The following CD300C variants were observed in gnomAD, a reference collection of about 807,000 sequenced individuals.
CD300C encodes CMRF35-like molecule 6.
In CD300C, 11 loss-of-function variants were observed where a neutral mutation model predicts 18.4. The ratio of observed to expected loss-of-function variants is 0.60; its 90% CI spans 0.38 to 0.99. The LOEUF (loss-of-function observed/expected upper bound fraction) is 0.99. Among genes scored for constraint, CD300C ranks in the 50% least tolerant of loss-of-function variants. The probability of loss-of-function intolerance (pLI) is 0.01; values close to 1 mark genes in which losing one functional copy is unlikely to be tolerated. For missense variants in CD300C, 277 were observed against 287.4 expected (o/e 0.96, Z 0.26); for synonymous variants, 116 against 116.3 (o/e 1.00, Z 0.02).
chr17:74,540,550 C>T (rs1385673583), downstream of CD300C, among the ~76,000 whole-genome samples: 2 of 152,100 alleles, frequency 1.3e-5, no homozygotes, highest in Non-Finnish European at 2.9e-5. Flanking sequence ...GGGTTAAGAA[C>T]CCCCCAGGCG....
chr17:74,543,588 C>T (rs186866459), intron 2 of CD300C, among the ~76,000 whole-genome samples: 15 of 152,300 alleles, frequency 9.8e-5, no homozygotes, highest in African/African-American at 3.1e-4. Flanking sequence ...AGGGCCCTTT[C>T]CTCCTCTCCC....
downstream of CD300C, among the ~76,000 whole-genome samples, chr17:74,538,639 T>C (rs1351989187): frequency 6.6e-6 from 1 of 152,222 alleles, no homozygotes; most frequent in Non-Finnish European, 1.5e-5. Context: ...CCCAGGGACC[T>C]GGTAGGACCT....
At chr17:74,535,623 C>G in the CD300C span, among the ~76,000 whole-genome samples, 2 of 151,812 alleles carry the variant, frequency 1.3e-5, no homozygotes, top group South Asian at 4.2e-4. Flanking sequence ...AATTACATAC[C>G]ATGTTCATAG....
At chr17:74,537,146 A>C (rs1442296945), downstream of CD300C, among the ~76,000 whole-genome samples, 1 of 152,020 alleles carries the variant, frequency 6.6e-6, no homozygotes, top group African/African-American at 2.4e-5. Flanking sequence ...GAGGAGGAAG[A>C]GGAAGGGGAA....
chr17:74,545,632 C>T, intron 1 of CD300C, 90 bp downstream of exon 1: 1 of 1,047,538 alleles, frequency 9.5e-7, no homozygotes, highest in Non-Finnish European at 1.4e-6. Context: ...GCCCCACTCC[C>T]CTCTATGACC....
chr17:74,535,950 G>C, the CD300C span, among the ~76,000 whole-genome samples: 1 of 152,192 alleles, frequency 6.6e-6, no homozygotes, highest in African/African-American at 2.4e-5. Flanking sequence ...ACACCTGCCA[G>C]GGGTTGCATT....
At chr17:74,545,343 TGA>T (rs1247145319) in intron 1 of CD300C, among the ~76,000 whole-genome samples, 2 of 151,548 alleles carry the variant, frequency 1.3e-5, no homozygotes, top group Non-Finnish European at 2.9e-5. Context: ...CATGTGTGTG[TGA>T]GACTGTGTGA....
Position 74,545,806 on chromosome 17 carries a change from C to T in CD300C, c.-24G>A. On this transcript the variant is annotated 5_prime_UTR_variant, in exon 1 of 4. Transcript: ENST00000330793. Reference sequence around the variant, plus strand: ...ATTCCTGTAACACGAATGTCACCTGCCACTGTGCAAGACCCCAGGAGGGGA... The same window carrying T: ...ATTCCTGTAACACGAATGTCACCTGTCACTGTGCAAGACCCCAGGAGGGGA... The T allele has an allele frequency of 6.3e-7, 1 of 1,598,932 alleles. No homozygotes were observed. Among genetic ancestry groups the T allele is most frequent in the Non-Finnish European group, 8.5e-7 (1 of 1,171,784 alleles).
downstream of CD300C, among the ~76,000 whole-genome samples, chr17:74,539,664 G>C (rs538889987): frequency 6.6e-6 from 1 of 152,134 alleles, no homozygotes; most frequent in African/African-American, 2.4e-5. Flanking sequence ...GGTTCACCTC[G>C]GTGCTGCCAC....
rs553825118 is a variant in CD300C at position 74,541,478 on chromosome 17, A to G, written c.*111T>C. The G allele has an allele frequency of 1.3e-6, 1 of 755,490 alleles. No homozygotes were observed. 46.8% of individuals were successfully genotyped at this position (755,490 alleles called of 1,614,324 possible). Reference sequence around the variant, plus strand: ...GGGAAAAGGCTGAAGGAGGCTCACAAAGGATTCCAGGAGATGTGGAGAGAG... The same window carrying G: ...GGGAAAAGGCTGAAGGAGGCTCACAGAGGATTCCAGGAGATGTGGAGAGAG... On this transcript the variant is annotated 3_prime_UTR_variant, in exon 4 of 4. Transcript: ENST00000330793.
At chr17:74,535,854 A>T in the CD300C span, among the ~76,000 whole-genome samples, 1 of 152,226 alleles carries the variant, frequency 6.6e-6, no homozygotes, top group East Asian at 1.9e-4. Flanking sequence ...AATTAAAACA[A>T]TGTTGTCTTG....
At chr17:74,542,747 T>C (rs1908596713) in intron 3 of CD300C, 114 bp downstream of exon 3, 1 of 1,237,922 alleles carries the variant, frequency 8.1e-7, no homozygotes, top group Non-Finnish European at 1.1e-6. Context: ...TCACGTTTGG[T>C]GTGGGAGGTG....
chr17:74,536,746 G>A (rs1908389533), downstream of CD300C, among the ~76,000 whole-genome samples: 1 of 152,132 alleles, frequency 6.6e-6, no homozygotes, highest in South Asian at 2.1e-4. Context: ...ATTCAAGCAG[G>A]AGCACTGCTG....
rs201817334 is a variant in CD300C, at chr17:74,544,768, G to A, written c.241C>T (p.Arg81Ter). Residue 81 changes from arginine to a stop codon, truncating the protein, a stop_gained, in exon 2 of 4, where the codon CGA becomes TGA. Transcript: ENST00000330793. LOFTEE classifies it high-confidence loss of function. ...GCAGGACTGTCCCTGATGGACACTC[G>A]GCCATTCCTTTTCCCTGCTGACCCT... ...TKGSAGKRNG[R>*]VSIRDSPANL... 42 of 1,614,194 alleles carry A rather than the reference G, an allele frequency of 2.6e-5. No homozygotes were observed. Among genetic ancestry groups the A allele is most frequent in the East Asian group, 2.2e-4 (10 of 44,882 alleles).
chr17:74,540,257 C>A (rs1052471915), downstream of CD300C, among the ~76,000 whole-genome samples: 1 of 152,216 alleles, frequency 6.6e-6, no homozygotes, highest in African/African-American at 2.4e-5. Flanking sequence ...CCTGCTTGCT[C>A]AGCGCCTATT....
At chr17:74,537,091 G>A (rs1908402255), downstream of CD300C, among the ~76,000 whole-genome samples, 2 of 151,820 alleles carry the variant, frequency 1.3e-5, no homozygotes, top group African/African-American at 2.4e-5. Context: ...GTAGGCAGAA[G>A]AGTAGGCAGA....
In CD300C at chr17:74,545,917, T is replaced by A; in HGVS notation, c.-135A>T. 1.3e-6 allele frequency: 1 copy of A among 787,374 alleles called. No individual in the cohort carries two copies. The highest frequency in any genetic ancestry group is 1.6e-5 in the South Asian group (1 of 61,602). The allele number at this position is 787,374 out of a possible 1,614,324, so 48.8% of individuals were successfully genotyped here. ...CTTCCTTGTCCAGCCCTGTCTCAGGTCTGAGGCTGGAGAGGGTCAGGGTAC... is the reference window on the plus strand; with the variant it reads ...CTTCCTTGTCCAGCCCTGTCTCAGGACTGAGGCTGGAGAGGGTCAGGGTAC... On this transcript the variant is annotated 5_prime_UTR_variant, in exon 1 of 4. Transcript: ENST00000330793.
rs576869904 is a variant in CD300C at position 74,541,368 on chromosome 17, C to T, written c.*221G>A. The T allele has an allele frequency of 5.6e-5, 28 of 503,850 alleles. No homozygotes were observed. The highest frequency in any genetic ancestry group is 4.8e-4 in the East Asian group (14 of 29,292). 31.2% of individuals were successfully genotyped at this position (503,850 alleles called of 1,614,324 possible). ...GCTGACGGCCCGAGGCTTAGCTGGC[C>T]GGGGCGTGCACATGAGACGTGGACT... is the stretch of plus-strand genomic sequence containing the variant. On this transcript the variant is annotated 3_prime_UTR_variant, in exon 4 of 4. Transcript: ENST00000330793.
chr17:74,537,632 A>C (rs1395795765), downstream of CD300C, among the ~76,000 whole-genome samples: 1 of 151,956 alleles, frequency 6.6e-6, no homozygotes, highest in Non-Finnish European at 1.5e-5. Context: ...CCATCTCAAA[A>C]AAAAAAAAAA....
Sources: allele counts gnomAD v4.1 joint callset (sites outside exome capture counted in the v4.1 genomes callset), GRCh38; gene constraint gnomAD v4.1.1; transcripts MANE v1.5; gene names NCBI Gene and HGNC (gene_info 2026-07-23, HGNC 2026-07-21).